Variants in HNF1A observed in about 807,000 individuals in gnomAD.
HNF1A encodes HNF1 homeobox A, also known as hepatocyte nuclear factor 1-alpha.
HNF1A carries 21 observed loss-of-function variants against 62.2 expected under a neutral mutation model. The ratio of observed to expected loss-of-function variants is 0.34; its 90% CI spans 0.24 to 0.49. HNF1A has a LOEUF of 0.49. HNF1A is among the 20% of genes least tolerant of loss of function. The pLI, the probability that HNF1A is intolerant of heterozygous loss-of-function variation, is 0.99. For missense variants in HNF1A, 687 were observed against 832.3 expected, an observed-to-expected ratio of 0.83 and a Z score of 2.15; for synonymous variants, 374 against 366.8, an observed-to-expected ratio of 1.02 and a Z score of -0.22.
At position 120,997,481 on chromosome 12, in the gene HNF1A, C is replaced by T; in HGVS notation, c.1317C>T (p.Ala439=). The T allele has an allele frequency of 6.2e-7, 1 of 1,607,318 alleles. No homozygotes were observed. The highest frequency in any genetic ancestry group is 1.1e-5 in the South Asian group (1 of 90,836). The change falls in exon 7 of 10, where the codon GCC becomes GCT. Residue 439 remains alanine (A), a synonymous_variant. Transcript: ENST00000257555. The part of the protein sequence containing the change: ...TGASTLVIGL[A]STQAQSVPVI... ...CCTCCCCTTCCACTCCAGGCCTGGC[C>T]TCCACGCAGGCACAGAGTGTGCCGG...
At chr12:120,999,758 C>T (rs1471890404) in intron 9 of HNF1A, 131 bp downstream of exon 9, 19 of 1,248,820 alleles carry the variant, frequency 1.5e-5, no homozygotes, top group Middle Eastern at 2.8e-4. Context: ...TGAGGAAGCA[C>T]TGGCAGGCGT....
At chr12:120,987,591 T>A (rs12300434) in intron 1 of HNF1A, among the ~76,000 whole-genome samples, 200 of 2,098 alleles carry the variant, frequency 0.095, 1 homozygote, top group East Asian at 0.46. Flanking sequence ...TTTTTAAAAA[T>A]ATATATATAT....
At chr12:120,990,105 ATTTCT>A (rs1397780312) in intron 2 of HNF1A, among the ~76,000 whole-genome samples, 1 of 151,348 alleles carries the variant, frequency 6.6e-6, no homozygotes, top group Non-Finnish European at 1.5e-5. Flanking sequence ...ATTTTTTGAC[ATTTCT>A]TTTATTAATT....
intron 9 of HNF1A, chr12:121,000,523 G>A (rs1381319267): frequency 2.1e-5 from 4 of 192,646 alleles, no homozygotes; most frequent in Non-Finnish European, 4.3e-5. Flanking sequence ...TTATTTGAAG[G>A]ACTTGGCCCG....
intron 7 of HNF1A, 142 bp downstream of exon 7, chr12:120,997,807 C>T (rs1195125946): frequency 1.1e-6 from 1 of 892,168 alleles, no homozygotes; most frequent in South Asian, 1.4e-5. Context: ...AGGGTGTCTG[C>T]AGGCCAGTGT....
chr12:120,989,126 A>G, intron 2 of HNF1A, 94 bp downstream of exon 2: 1 of 1,176,298 alleles, frequency 8.5e-7, no homozygotes, highest in Middle Eastern at 1.9e-4. Context: ...CATCCCCATT[A>G]CACAGACAGG....
Position 120,993,717 on chromosome 12 carries a change from G to A in HNF1A, c.713+11G>A, listed in dbSNP as rs759353086. ...GGAGGAGTGCAATAGGTACAACGGCGGGCGGGAAACAGTGCTGGTTTGGTC... is the reference window on the plus strand; with the variant it reads ...GGAGGAGTGCAATAGGTACAACGGCAGGCGGGAAACAGTGCTGGTTTGGTC... On this transcript the variant is annotated intron_variant, in intron 3 of 9. Transcript: ENST00000257555. 2.7e-5 allele frequency: 43 copies of A among 1,613,088 alleles called. No individual in the cohort carries two copies. Among genetic ancestry groups the A allele is most frequent in the Middle Eastern group, 1.6e-4 (1 of 6,084 alleles).
At chr12:120,995,907 TAATTC>T (rs898179804) in intron 4 of HNF1A, among the ~76,000 whole-genome samples, 7 of 152,244 alleles carry the variant, frequency 4.6e-5, no homozygotes, top group Non-Finnish European at 7.3e-5. Context: ...TGATTTGGGT[TAATTC>T]AATTCAATTC....
intron 2 of HNF1A, among the ~76,000 whole-genome samples, chr12:120,991,900 G>C (rs932084172): frequency 1.3e-5 from 2 of 152,166 alleles, no homozygotes; most frequent in Admixed American, 6.6e-5. Flanking sequence ...TCGATAAAAT[G>C]CATTAAAAAA....
chr12:120,997,395 G>T, intron 6 of HNF1A, 79 bp from the exon 7 acceptor site: 3 of 1,455,742 alleles, frequency 2.1e-6, no homozygotes, highest in Non-Finnish European at 2.8e-6. Flanking sequence ...GGGAAGGAGA[G>T]GTGGTGCCCT....
rs1384502119 is a variant in HNF1A, at chr12:120,996,343, C to T, written c.1037C>T (p.Thr346Ile). Reference protein sequence around the residue: ...SSGGPLVTVSTPLHQVSPTGL... With the variant: ...SSGGPLVTVSIPLHQVSPTGL... ...GGCGGTCCCTTAGTGACAGTGTCTA[C>T]ACCCCTCCACCAAGTGTCCCCCACG... Residue 346 changes from threonine to isoleucine, a missense_variant, in exon 5 of 10, where the codon ACA becomes ATA. By Grantham distance (89) the Thr-to-Ile change is moderately conservative. This residue lies in a region of HNF1A where 408 missense variants were observed against 455.3 expected (regional missense o/e 0.90). Coordinates refer to ENST00000257555, the MANE Select transcript of HNF1A (RefSeq NM_000545.8). This position sits in a 1 kb window ranked among gnomAD's most constrained non-coding sequence, Gnocchi z 4.5. 3.1e-6 allele frequency: 5 copies of T among 1,614,160 alleles called. No homozygotes were observed. In the Admixed American group the frequency reaches 5.0e-5, roughly 16 times the overall value.
In HNF1A at chr12:121,002,192, G is replaced by C. The variant is rs1877543871; in HGVS notation, c.*1000G>C. 1 of 464,298 alleles carries C rather than the reference G, an allele frequency of 2.2e-6. No homozygotes were observed. The highest frequency in any genetic ancestry group is 1.9e-5 in the African/African-American group (1 of 51,552). The allele number at this position is 464,298 out of a possible 1,614,324, so 28.8% of individuals were successfully genotyped here. ...AGGAGAAGAAAGAGGTGACCCCAGG[G>C]CACAGGAGCTACCTGTGTGGACAGG... On this transcript the variant is annotated 3_prime_UTR_variant, in exon 10 of 10. Coordinates refer to ENST00000257555, the MANE Select transcript of HNF1A (RefSeq NM_000545.8).
chr12:120,985,653 C>T (rs1876473048), intron 1 of HNF1A, among the ~76,000 whole-genome samples: 1 of 151,190 alleles, frequency 6.6e-6, no homozygotes, highest in South Asian at 2.1e-4. Flanking sequence ...GCCTGGGAGA[C>T]AGAGCAAGTA....
chr12:120,993,807 C>T, intron 3 of HNF1A, 101 bp downstream of exon 3: 2 of 1,233,576 alleles, frequency 1.6e-6, no homozygotes, highest in Non-Finnish European at 2.3e-6. Context: ...TGTCCAGTTG[C>T]CGAGAACTCC....
intron 7 of HNF1A, among the ~76,000 whole-genome samples, chr12:120,998,899 C>T (rs1339331890): frequency 6.6e-6 from 1 of 152,184 alleles, no homozygotes; most frequent in Non-Finnish European, 1.5e-5. Flanking sequence ...TAGTACATAG[C>T]GCCTGCATTT....
chr12:120,999,964 C>G (rs1877345966), intron 9 of HNF1A, among the ~76,000 whole-genome samples: 1 of 152,246 alleles, frequency 6.6e-6, no homozygotes, highest in South Asian at 2.1e-4. Flanking sequence ...TTTGGCTTGG[C>G]TCAGGGTTGA....
rs1593060386 is a variant in HNF1A, at chr12:120,996,154, A to G, written c.956-108A>G. On this transcript the variant is annotated intron_variant, in intron 4 of 9. Coordinates refer to ENST00000257555, the MANE Select transcript of HNF1A (RefSeq NM_000545.8). This position sits in a 1 kb window ranked among gnomAD's most constrained non-coding sequence, Gnocchi z 4.5. ...ATTTGCTGGCTGCATAAAGGCAGAC[A>G]GGCAGCTGGCCTAAGCAAACCAATG... is the stretch of plus-strand genomic sequence containing the variant. 2 of 1,346,662 alleles carry G rather than the reference A, an allele frequency of 1.5e-6. No homozygotes were observed. The allele number at this position is 1,346,662 out of a possible 1,614,324, so 83.4% of individuals were successfully genotyped here. A position where few individuals can be genotyped will look rare whatever the true frequency, so the allele number is the denominator to read the frequency against.
chr12:121,001,927 C>T lies in HNF1A; in HGVS notation c.*735C>T, dbSNP rs1877515855. 1 of 521,208 alleles carries T rather than the reference C, an allele frequency of 1.9e-6. No homozygotes were observed. The highest frequency in any genetic ancestry group is 3.7e-6 in the Non-Finnish European group (1 of 268,694). The allele number at this position is 521,208 out of a possible 1,614,324, so 32.3% of individuals were successfully genotyped here. ...GTATTTGTTCCCAAGAGCATCATGC[C>T]TCTGAGGCCAGCCTGGCCTCCTGCC... On this transcript the variant is annotated 3_prime_UTR_variant, in exon 10 of 10. Coordinates refer to ENST00000257555, the MANE Select transcript of HNF1A (RefSeq NM_000545.8).
chr12:120,980,361 C>A (rs1302840695), intron 1 of HNF1A, among the ~76,000 whole-genome samples: 1 of 152,086 alleles, frequency 6.6e-6, no homozygotes, highest in African/African-American at 2.4e-5. Context: ...GGTCCTGATC[C>A]CAGCTGGGGT....
Sources: allele counts gnomAD v4.1 joint callset (sites outside exome capture counted in the v4.1 genomes callset), GRCh38; gene constraint gnomAD v4.1.1; regional missense constraint gnomAD v4.1.1; non-coding constraint Gnocchi (gnomAD v3.1); transcripts MANE v1.5; gene names NCBI Gene and HGNC (gene_info 2026-07-23, HGNC 2026-07-21).